Variants in PDCD6 observed in about 807,000 individuals in gnomAD.
PDCD6 encodes programmed cell death 6.
A neutral mutation model predicts 28.3 loss-of-function variants in PDCD6; 12 were observed. The observed-to-expected ratio is 0.42, with a 90% confidence interval of 0.27 to 0.69. PDCD6 has a LOEUF of 0.69. Ranked by LOEUF, PDCD6 falls within the 30% of genes least tolerant of loss-of-function variation. The pLI is 0.22. For synonymous variants in PDCD6, 92 were observed against 108.0 expected, an observed-to-expected ratio of 0.85 and a Z score of 0.92; for missense variants, 226 against 269.9, an observed-to-expected ratio of 0.84 and a Z score of 1.14.
intron 2 of PDCD6, among the ~76,000 whole-genome samples, chr5:285,063 A>C (rs1738857225): frequency 6.8e-6 from 1 of 146,518 alleles, no homozygotes; most frequent in Non-Finnish European, 1.5e-5. Context: ...CTCCAGCTGC[A>C]AGACCCTCAG....
At chr5:284,332 C>T (rs1738786114) in intron 2 of PDCD6, among the ~76,000 whole-genome samples, 1 of 151,874 alleles carries the variant, frequency 6.6e-6, no homozygotes, top group African/African-American at 2.4e-5. Context: ...GCTTGAGGGT[C>T]GTTCAGCTGA....
intron 2 of PDCD6, among the ~76,000 whole-genome samples, chr5:285,480 C>T (rs1339877599): frequency 3.3e-5 from 4 of 119,806 alleles, no homozygotes; most frequent in Admixed American, 8.5e-5. Flanking sequence ...GCGGGGAGCT[C>T]ATATTCCAGT....
At position 314,818 on chromosome 5, in the gene PDCD6, G is replaced by A; in HGVS notation, c.*303G>A. 2.2e-6 allele frequency: 1 copy of A among 459,620 alleles called. No homozygotes were observed. Among genetic ancestry groups the A allele is most frequent in the East Asian group, 4.4e-5 (1 of 22,904 alleles). 28.5% of individuals were successfully genotyped at this position (459,620 alleles called of 1,614,324 possible). A position where few individuals can be genotyped will look rare whatever the true frequency, so the allele number is the denominator to read the frequency against. On this transcript the variant is annotated 3_prime_UTR_variant, in exon 6 of 6. Coordinates refer to ENST00000264933, the MANE Select transcript of PDCD6 (RefSeq NM_013232.4). ...ATCATGTGCTTTTCTAGATGTCTCT[G>A]GTTCTATAGTGCAAATGCTTTTATT...
chr5:281,615 G>A (rs1171703026), intron 2 of PDCD6, among the ~76,000 whole-genome samples: 1 of 152,174 alleles, frequency 6.6e-6, no homozygotes, highest in Non-Finnish European at 1.5e-5. Context: ...AGACCAGGGA[G>A]GAACTGGTGT....
chr5:277,592 C>A, intron 2 of PDCD6, among the ~76,000 whole-genome samples: 1 of 151,414 alleles, frequency 6.6e-6, no homozygotes, highest in South Asian at 2.1e-4. Context: ...TGAGCCACCA[C>A]GCCCAGCAAT....
intron 2 of PDCD6, among the ~76,000 whole-genome samples, chr5:299,865 T>G (rs1579527732): frequency 6.9e-6 from 1 of 144,640 alleles, no homozygotes; most frequent in African/African-American, 2.9e-5. Flanking sequence ...TTTTTTTTTA[T>G]TTTTTTATCA....
intron 2 of PDCD6, among the ~76,000 whole-genome samples, chr5:278,641 A>T (rs1738355760): frequency 6.6e-6 from 1 of 151,470 alleles, no homozygotes; most frequent in Non-Finnish European, 1.5e-5. Flanking sequence ...TCAGCCTAGG[A>T]GGTGAAGGTT....
intron 4 of PDCD6, chr5:308,555 C>G (rs1362224172): frequency 6.6e-6 from 1 of 152,226 alleles, no homozygotes; most frequent in Non-Finnish European, 1.5e-5. Context: ...AGGGCCATCT[C>G]CCACGTCTTC....
At chr5:301,186 C>A (rs1321496986) in intron 2 of PDCD6, among the ~76,000 whole-genome samples, 1 of 152,202 alleles carries the variant, frequency 6.6e-6, no homozygotes, top group Non-Finnish European at 1.5e-5. Context: ...ACGCAGAAGA[C>A]AGAGGAGAAG....
chr5:303,313 CTG>C (rs1000426191), intron 2 of PDCD6, among the ~76,000 whole-genome samples: 7 of 138,028 alleles, frequency 5.1e-5, no homozygotes, highest in Admixed American at 1.4e-4. Flanking sequence ...AAAAAAAAAA[CTG>C]TGTGTCTAAC....
intron 2 of PDCD6, among the ~76,000 whole-genome samples, chr5:298,168 G>A (rs73734207): frequency 0.011 from 1,723 of 152,238 alleles, 27 homozygotes; most frequent in African/African-American, 0.039. Flanking sequence ...GGCACGGGTC[G>A]AGCTGGAGAA....
chr5:299,489 T>C (rs1248413727), intron 2 of PDCD6, among the ~76,000 whole-genome samples: 1 of 151,816 alleles, frequency 6.6e-6, no homozygotes, highest in South Asian at 2.1e-4. Context: ...AATTAACTTT[T>C]TTCAAGTCTC....
chr5:302,495 G>A (rs1294148411), intron 2 of PDCD6, among the ~76,000 whole-genome samples: 1 of 97,760 alleles, frequency 1.0e-5, no homozygotes, highest in Admixed American at 1.1e-4. Context: ...CTGCTGCTGT[G>A]TGTGTGTGTG....
intron 2 of PDCD6, among the ~76,000 whole-genome samples, chr5:303,695 A>G (rs1354635140): frequency 1.3e-5 from 2 of 151,500 alleles, no homozygotes; most frequent in African/African-American, 4.9e-5. Flanking sequence ...TGCACCTTTC[A>G]GTAGAATTAG....
rs376374850 is a variant in PDCD6 at position 303,011 on chromosome 5, T to A, written c.164-1166T>A. ...AGGTGCTCAGGCGGAGCAAATGGAT[T>A]TAACTTCTGGGCTGGGAGAATGTGG... On this transcript the variant is annotated intron_variant, in intron 2 of 5. Transcript: ENST00000264933. Among the ~76,000 whole-genome samples, 41 of 152,282 alleles carry A rather than the reference T, an allele frequency of 2.7e-4. No individual in the cohort carries two copies. In the South Asian group the frequency reaches 7.9e-3, roughly 29 times the overall value.
At chr5:296,312 C>G (rs573998621) in intron 2 of PDCD6, among the ~76,000 whole-genome samples, 2 of 152,188 alleles carry the variant, frequency 1.3e-5, no homozygotes, top group East Asian at 3.9e-4. Flanking sequence ...GGCCCCACAC[C>G]CACACCTCCC....
intron 2 of PDCD6, chr5:276,444 C>T: frequency 1.0e-6 from 1 of 986,550 alleles, no homozygotes; most frequent in Non-Finnish European, 1.2e-6. Context: ...ATATCCTCTT[C>T]CTTCTTCTCT....
intron 2 of PDCD6, among the ~76,000 whole-genome samples, chr5:277,219 G>T (rs1173507037): frequency 2.0e-5 from 3 of 152,090 alleles, no homozygotes; most frequent in Admixed American, 1.3e-4. Context: ...TCCGCATCTG[G>T]GGTTCAAGCG....
chr5:279,122 G>C (rs1363267365), intron 2 of PDCD6, among the ~76,000 whole-genome samples: 3 of 152,118 alleles, frequency 2.0e-5, no homozygotes, highest in African/African-American at 7.2e-5. Flanking sequence ...CGCTGGTGAA[G>C]AAGAATTCCA....
Sources: allele counts gnomAD v4.1 joint callset (sites outside exome capture counted in the v4.1 genomes callset), GRCh38; gene constraint gnomAD v4.1.1; transcripts MANE v1.5; gene names NCBI Gene and HGNC (gene_info 2026-07-23, HGNC 2026-07-21).